The following AGBL4 variants were observed in gnomAD, a reference collection of about 807,000 sequenced individuals.
AGBL4 encodes the protein cytosolic carboxypeptidase 6.
Under a neutral mutation model 66.4 loss-of-function variants are expected in AGBL4, and 58 were observed. That is an observed-to-expected ratio of 0.87 (90% CI 0.71 to 1.09). The LOEUF (loss-of-function observed/expected upper bound fraction) is 1.09. Ranked by LOEUF, AGBL4 falls within the 50% of genes least tolerant of loss-of-function variation. The pLI is 0.00. For synonymous variants in AGBL4, 234 were observed against 222.9 expected (o/e 1.05, Z -0.44); for missense variants, 579 against 631.0 (o/e 0.92, Z 0.88).
At chr1:49,166,742 T>C (rs1646642315) in intron 4 of AGBL4, among the ~76,000 whole-genome samples, 1 of 152,190 alleles carries the variant, frequency 6.6e-6, no homozygotes, top group African/African-American at 2.4e-5. Context: ...AACCTGGCTC[T>C]TCATAGTTCT....
chr1:49,487,884 A>G (rs924923195), intron 3 of AGBL4, among the ~76,000 whole-genome samples: 1 of 151,890 alleles, frequency 6.6e-6, no homozygotes, highest in African/African-American at 2.4e-5. Context: ...TCATGTAATT[A>G]AAGGATAGGT....
intron 5 of AGBL4, among the ~76,000 whole-genome samples, chr1:48,885,343 T>A (rs1482640912): frequency 6.6e-6 from 1 of 152,220 alleles, no homozygotes; most frequent in Non-Finnish European, 1.5e-5. Flanking sequence ...TGAGTAGTTG[T>A]GGCAGAGATT....
intron 5 of AGBL4, among the ~76,000 whole-genome samples, chr1:49,038,011 A>T (rs1664802187): frequency 6.6e-6 from 1 of 152,098 alleles, no homozygotes; most frequent in African/African-American, 2.4e-5. Context: ...GACAATACTT[A>T]CATATCTCAG....
At chr1:48,946,937 CACCTGAGGT>C (rs1571069310) in intron 5 of AGBL4, among the ~76,000 whole-genome samples, 1 of 152,202 alleles carries the variant, frequency 6.6e-6, no homozygotes, top group East Asian at 1.9e-4. Flanking sequence ...CCTAAGGGCA[CACCTGAGGT>C]ACCTGGAAAG....
At chr1:49,245,967 G>T in intron 3 of AGBL4, 103 bp from the exon 4 acceptor site, 1 of 809,200 alleles carries the variant, frequency 1.2e-6, no homozygotes, top group Non-Finnish European at 2.0e-6. Context: ...AAGCCATATG[G>T]ACTAGCAGGC....
intron 3 of AGBL4, among the ~76,000 whole-genome samples, chr1:49,622,867 T>C (rs1341130263): frequency 6.6e-6 from 1 of 152,094 alleles, no homozygotes; most frequent in Non-Finnish European, 1.5e-5. Context: ...TGAATTCCAT[T>C]CCTCTTTTCA....
chr1:49,739,067 C>T (rs973709148), intron 2 of AGBL4, among the ~76,000 whole-genome samples: 8 of 152,254 alleles, frequency 5.3e-5, no homozygotes, highest in Non-Finnish European at 8.8e-5. Context: ...ATGACTTTGA[C>T]GAGTTGAGAG....
intron 9 of AGBL4, among the ~76,000 whole-genome samples, chr1:48,630,107 A>G (rs1025324801): frequency 2.6e-5 from 4 of 152,206 alleles, no homozygotes. Context: ...GTCCACAGGC[A>G]GCTATCATGA....
intron 6 of AGBL4, among the ~76,000 whole-genome samples, chr1:48,787,223 G>A (rs139507184): frequency 1.1e-4 from 16 of 152,190 alleles, no homozygotes; most frequent in African/African-American, 3.9e-4. Flanking sequence ...CTCATTGACA[G>A]GATTTGTGCT....
chr1:49,950,774 T>G (rs1656084551), intron 1 of AGBL4, among the ~76,000 whole-genome samples: 1 of 151,764 alleles, frequency 6.6e-6, no homozygotes, highest in Non-Finnish European at 1.5e-5. Flanking sequence ...CAAAGAGATA[T>G]GTGCACTCCC....
intron 3 of AGBL4, among the ~76,000 whole-genome samples, chr1:49,669,973 C>T (rs1006569730): frequency 6.6e-6 from 1 of 151,868 alleles, no homozygotes; most frequent in African/African-American, 2.4e-5. Context: ...AACATGGGTA[C>T]CTGTGCTGCT....
chr1:49,745,560 G>C (rs1650919682), intron 2 of AGBL4, among the ~76,000 whole-genome samples: 1 of 151,776 alleles, frequency 6.6e-6, no homozygotes, highest in African/African-American at 2.4e-5. Context: ...ACAGATAAGA[G>C]AAGACCACTC....
chr1:49,554,734 T>C (rs1046644416), intron 3 of AGBL4, among the ~76,000 whole-genome samples: 2 of 152,144 alleles, frequency 1.3e-5, no homozygotes, highest in Non-Finnish European at 2.9e-5. Context: ...TTCTTAAAGA[T>C]GGTGTGTCTG....
At chr1:49,985,130 A>T (rs953436792) in intron 1 of AGBL4, among the ~76,000 whole-genome samples, 4 of 152,178 alleles carry the variant, frequency 2.6e-5, no homozygotes, top group South Asian at 2.1e-4. Context: ...AGTACGAATA[A>T]TCTTGTCACC....
chr1:49,672,386 T>A (rs1051669827), intron 3 of AGBL4, among the ~76,000 whole-genome samples: 1 of 151,930 alleles, frequency 6.6e-6, no homozygotes, highest in Non-Finnish European at 1.5e-5. Flanking sequence ...TAATAACTCT[T>A]GTGTAATAAG....
chr1:49,857,632 C>A (rs779981016), intron 1 of AGBL4, among the ~76,000 whole-genome samples: 1 of 152,066 alleles, frequency 6.6e-6, no homozygotes, highest in Non-Finnish European at 1.5e-5. Context: ...GGGGAAAGGA[C>A]AGTCTCTTTA....
At chr1:49,783,594 G>T (rs1292098327) in intron 2 of AGBL4, among the ~76,000 whole-genome samples, 1 of 152,072 alleles carries the variant, frequency 6.6e-6, no homozygotes, top group East Asian at 1.9e-4. Context: ...TCACAAACAA[G>T]ATAAGGATGT....
chr1:48,643,218 C>G (rs1475158695), intron 8 of AGBL4, among the ~76,000 whole-genome samples: 1 of 152,158 alleles, frequency 6.6e-6, no homozygotes, highest in Non-Finnish European at 1.5e-5. Context: ...GTAAACCATA[C>G]AAGGGTAGCA....
At chr1:49,153,156 C>A (rs1253895170) in intron 4 of AGBL4, among the ~76,000 whole-genome samples, 1 of 152,144 alleles carries the variant, frequency 6.6e-6, no homozygotes. Context: ...TCCACCACTT[C>A]CTCACAGATG....
Sources: allele counts gnomAD v4.1 joint callset (sites outside exome capture counted in the v4.1 genomes callset), GRCh38; gene constraint gnomAD v4.1.1; transcripts MANE v1.5; gene names NCBI Gene and HGNC (gene_info 2026-07-23, HGNC 2026-07-21).